MSANTD1: variants seen among roughly 807,000 people sequenced by gnomAD.
MSANTD1 encodes Myb/SANT DNA binding domain containing 1, also known as myb/SANT-like DNA-binding domain-containing protein 1.
In MSANTD1, 7 loss-of-function variants were observed where a neutral mutation model predicts 24.2. That is an observed-to-expected ratio of 0.29 (90% CI 0.16 to 0.54). The LOEUF is 0.54. Ranked by LOEUF, MSANTD1 falls within the 20% of genes least tolerant of loss-of-function variation. The pLI is 0.94. For synonymous variants in MSANTD1, 177 were observed against 181.1 expected (o/e 0.98, Z 0.18); for missense variants, 384 against 408.2 (o/e 0.94, Z 0.51).
At chr4:3,254,489 G>A (rs2110322930) in intron 2 of MSANTD1, among the ~76,000 whole-genome samples, 1 of 152,310 alleles carries the variant, frequency 6.6e-6, no homozygotes, top group South Asian at 2.1e-4. Context: ...TGGGGCGTGG[G>A]GGCTGCCCTC....
At chr4:3,250,317 A>T (rs1722184710) in intron 1 of MSANTD1, among the ~76,000 whole-genome samples, 1 of 152,160 alleles carries the variant, frequency 6.6e-6, no homozygotes, top group East Asian at 1.9e-4. Flanking sequence ...CCTGCAGGGA[A>T]GGCCGGAGGG....
At position 3,255,994 on chromosome 4, in the gene MSANTD1, G is replaced by T; in HGVS notation, c.*29G>T. 1 of 1,482,458 alleles carries T rather than the reference G, an allele frequency of 6.7e-7. No homozygotes were observed. Among genetic ancestry groups the T allele is most frequent in the Non-Finnish European group, 8.9e-7 (1 of 1,118,258 alleles). The allele number at this position is 1,482,458 out of a possible 1,614,324, so 91.8% of individuals were successfully genotyped here. On this transcript the variant is annotated 3_prime_UTR_variant, in exon 3 of 3. Transcript: ENST00000438480. ...AGCAGGCGGCGGCGGCGGCGGGGCCGGGCGGCTGGTGGTACTGCTCAGGCC... is the reference window on the plus strand; with the variant it reads ...AGCAGGCGGCGGCGGCGGCGGGGCCTGGCGGCTGGTGGTACTGCTCAGGCC...
upstream of MSANTD1, chr4:3,246,583 C>G: frequency 1.5e-6 from 1 of 657,968 alleles, no homozygotes; most frequent in Non-Finnish European, 2.8e-6. Context: ...TGCCCCTTCT[C>G]CCTCAGGTGC....
In MSANTD1 at chr4:3,253,118, G is replaced by C. The variant is rs1722278798; in HGVS notation, c.321-89G>C. The C allele has an allele frequency of 2.2e-6, 3 of 1,346,620 alleles. No individual in the cohort carries two copies. The East Asian group carries it at 8.1e-5, about 37-fold the overall frequency. The allele number at this position is 1,346,620 out of a possible 1,614,324, so 83.4% of individuals were successfully genotyped here. A position where few individuals can be genotyped will look rare whatever the true frequency, so the allele number is the denominator to read the frequency against. On this transcript the variant is annotated intron_variant, in intron 1 of 2. Coordinates refer to ENST00000438480, the MANE Select transcript of MSANTD1 (RefSeq NM_001042690.2). ...CCGAGAGCGGCTCCTGCCTGTGCCG[G>C]CGTGGCGCGCCCCTCTGCTGAGGCT... is the stretch of plus-strand genomic sequence containing the variant.
intron 2 of MSANTD1, among the ~76,000 whole-genome samples, chr4:3,254,367 C>T (rs976183356): frequency 2.0e-5 from 3 of 152,228 alleles, no homozygotes; most frequent in South Asian, 2.1e-4. Context: ...GAGACAAAAA[C>T]GCTTTTGCTG....
chr4:3,254,495 C>T (rs915571877), intron 2 of MSANTD1, among the ~76,000 whole-genome samples: 1 of 152,212 alleles, frequency 6.6e-6, no homozygotes, highest in African/African-American at 2.4e-5. Flanking sequence ...GTGGGGGCTG[C>T]CCTCCCTGAT....
Position 3,255,961 on chromosome 4 carries a change from T to A in MSANTD1, c.833T>A (p.Val278Asp). ...GAGAGGATCATCACCAAGTCCAGCG[T>A]CTAGGCCAGCAGGCGGCGGCGGCGG... ...LLERIITKSS[V>D] The change falls in exon 3 of 3, where the codon GTC becomes GAC. Residue 278 changes from valine to aspartate, a missense_variant. By Grantham distance (152) the Val-to-Asp change is radical. Coordinates refer to ENST00000438480, the MANE Select transcript of MSANTD1 (RefSeq NM_001042690.2). 6.5e-7 allele frequency: 1 copy of A among 1,527,662 alleles called. No homozygotes were observed. The highest frequency in any genetic ancestry group is 8.8e-7 in the Non-Finnish European group (1 of 1,136,120). 94.6% of individuals were successfully genotyped at this position (1,527,662 alleles called of 1,614,324 possible). A position where few individuals can be genotyped will look rare whatever the true frequency, so the allele number is the denominator to read the frequency against.
At chr4:3,246,946 G>C (rs1231210582), upstream of MSANTD1, among the ~76,000 whole-genome samples, 1 of 152,150 alleles carries the variant, frequency 6.6e-6, no homozygotes, top group South Asian at 2.1e-4. Context: ...GCCAGGCAGG[G>C]CCCTGCCTCC....
In MSANTD1 at chr4:3,255,834, G is replaced by A. The variant is rs369673017; in HGVS notation, c.706G>A (p.Ala236Thr). 9.7e-6 allele frequency: 15 copies of A among 1,545,462 alleles called. No individual in the cohort carries two copies. The highest frequency in any genetic ancestry group is 2.1e-4 in the Middle Eastern group (1 of 4,808). The part of the protein sequence containing the change: ...MVEEQRRLSR[A>T]VEETCREVRR... ...GGAGGAGCAGCGCCGGCTGAGCCGC[G>A]CCGTGGAGGAGACCTGCCGCGAGGT... The change falls in exon 3 of 3, where the codon GCC becomes ACC. Residue 236 changes from alanine to threonine, a missense_variant. Physicochemically the swap from Ala to Thr is moderately conservative, Grantham distance 58. Transcript: ENST00000438480.
At position 3,249,366 on chromosome 4, in the gene MSANTD1, C is replaced by T. The variant is rs780167035; in HGVS notation, c.144C>T (p.Asp48=). 31 of 1,563,352 alleles carry T rather than the reference C, an allele frequency of 2.0e-5. No homozygotes were observed. In the South Asian group the frequency reaches 2.3e-4, roughly 12 times the overall value. The change falls in exon 1 of 3, where the codon GAC becomes GAT. Residue 48 remains aspartate (D), a synonymous_variant. Transcript: ENST00000438480. Reference sequence around the variant, plus strand: ...ACCGGCGGGCCCGCAACTGGACGGACGCCGAGATGCGCGGCCTCATGCTGG... The same window carrying T: ...ACCGGCGGGCCCGCAACTGGACGGATGCCGAGATGCGCGGCCTCATGCTGG... ...EKHRRARNWT[D]AEMRGLMLVW...
chr4:3,254,726 C>T (rs565895482), intron 2 of MSANTD1, among the ~76,000 whole-genome samples: 6 of 152,366 alleles, frequency 3.9e-5, no homozygotes, highest in East Asian at 1.9e-4. Flanking sequence ...TGCCTTTACT[C>T]ACCACCTCTA....
chr4:3,253,379 A>G lies in MSANTD1; in HGVS notation c.493A>G (p.Lys165Glu), dbSNP rs1722289771. Residue 165 changes from lysine to glutamate, a missense_variant, in exon 2 of 3, where the codon AAG becomes GAG. Lys to Glu is a moderately conservative substitution (Grantham distance 56, BLOSUM62 1). Transcript: ENST00000438480. Reference sequence around the variant, plus strand: ...CGAGGCGTCCCTGTCGCCGCCCGCTAAGTCCACCCCTCTGTACTTCCCGTA... The same window carrying G: ...CGAGGCGTCCCTGTCGCCGCCCGCTGAGTCCACCCCTCTGTACTTCCCGTA... ...QTEASLSPPA[K>E]STPLYFPYNQ... is the part of the protein sequence containing the mutation. 2 of 1,611,022 alleles carry G rather than the reference A, an allele frequency of 1.2e-6. No homozygotes were observed. Among genetic ancestry groups the G allele is most frequent in the Admixed American group, 1.7e-5 (1 of 59,564 alleles).
Position 3,249,332 on chromosome 4 carries a change from C to T in MSANTD1, c.110C>T (p.Ala37Val), listed in dbSNP as rs751086991. ...CCCGGCTACCTCGTGTCTCCCCAGG[C>T]GGAGAAGCACCGGCGGGCCCGCAAC... is the stretch of plus-strand genomic sequence containing the variant. ...EGPGYLVSPQ[A>V]EKHRRARNWT... The change falls in exon 1 of 3, where the codon GCG (alanine) becomes GTG (valine). Residue 37 changes from alanine to valine, a missense_variant. Ala to Val is a moderately conservative substitution (Grantham distance 64). Coordinates refer to ENST00000438480, the MANE Select transcript of MSANTD1 (RefSeq NM_001042690.2). 3.2e-5 allele frequency: 50 copies of T among 1,553,426 alleles called. No homozygotes were observed. In the African/African-American group the frequency reaches 3.4e-4, roughly 11 times the overall value.
Position 3,255,864 on chromosome 4 carries a change from C to G in MSANTD1, c.736C>G (p.Arg246Gly). The stretch of plus-strand genomic sequence containing the variant: ...GGAGGAGACCTGCCGCGAGGTGCGC[C>G]GCGTGCTGGACCAGCAGCACATCCT... ...AVEETCREVR[R>G]VLDQQHILQV... Residue 246 changes from arginine (R) to glycine (G), a missense_variant, in exon 3 of 3, where the codon CGC (arginine) becomes GGC (glycine). Coordinates refer to ENST00000438480, the MANE Select transcript of MSANTD1 (RefSeq NM_001042690.2). The G allele has an allele frequency of 6.5e-7, 1 of 1,545,474 alleles. No homozygotes were observed.
Position 3,256,163 on chromosome 4 carries a change from C to T in MSANTD1, c.*198C>T, listed in dbSNP as rs1438881674. The T allele has an allele frequency of 3.4e-6, 2 of 583,212 alleles. No homozygotes were observed. Among genetic ancestry groups the T allele is most frequent in the African/African-American group, 4.0e-5 (2 of 50,388 alleles). The allele number at this position is 583,212 out of a possible 1,614,324, so 36.1% of individuals were successfully genotyped here. A position where few individuals can be genotyped will look rare whatever the true frequency, so the allele number is the denominator to read the frequency against. Reference sequence around the variant, plus strand: ...GCCCTGGGGACCGTGAGGCTCCAGTCTCCAGCATGAATGCCCTTCCTCGGA... The same window carrying T: ...GCCCTGGGGACCGTGAGGCTCCAGTTTCCAGCATGAATGCCCTTCCTCGGA... On this transcript the variant is annotated 3_prime_UTR_variant, in exon 3 of 3. Transcript: ENST00000438480.
rs371508114 is a variant in MSANTD1 at position 3,249,237 on chromosome 4, C to A, written c.15C>A (p.Ala5=). Residue 5 remains alanine (A), a synonymous_variant, in exon 1 of 3, where the codon GCC becomes GCA. Coordinates refer to ENST00000438480, the MANE Select transcript of MSANTD1 (RefSeq NM_001042690.2). ...GCCTCCCGCCCATGGTGCGTGGGGC[C>A]GGGCCGGGGCCCTCGCTGAGCGCGC... The part of the protein sequence containing the change: MVRG[A]GPGPSLSALS... 4.2e-3 allele frequency: 6,025 copies of A among 1,423,976 alleles called. 14 individuals carry two copies. The highest frequency in any genetic ancestry group is 5.1e-3 in the Non-Finnish European group (5,527 of 1,089,964). 88.2% of individuals were successfully genotyped at this position (1,423,976 alleles called of 1,614,324 possible).
At position 3,253,389 on chromosome 4, in the gene MSANTD1, C is replaced by G; in HGVS notation, c.503C>G (p.Pro168Arg). 3 of 1,609,814 alleles carry G rather than the reference C, an allele frequency of 1.9e-6. No homozygotes were observed. The highest frequency in any genetic ancestry group is 2.5e-6 in the Non-Finnish European group (3 of 1,178,050). Residue 168 changes from proline to arginine, a missense_variant, in exon 2 of 3, where the codon CCT becomes CGT. Pro to Arg is a moderately radical substitution (Grantham distance 103). Coordinates refer to ENST00000438480, the MANE Select transcript of MSANTD1 (RefSeq NM_001042690.2). ...ASLSPPAKST[P>R]LYFPYNQCSY... ...CTGTCGCCGCCCGCTAAGTCCACCC[C>G]TCTGTACTTCCCGTATAACCAGTGC...
intron 2 of MSANTD1, 27 bp downstream of exon 2, chr4:3,253,509 G>GC (rs761732261): frequency 4.1e-6 from 6 of 1,474,528 alleles, no homozygotes; most frequent in Non-Finnish European, 5.4e-6. Context: ...TCCTTCCCCT[G>GC]CCCTGGGGTA....
chr4:3,251,259 C>T (rs370945911), intron 1 of MSANTD1, among the ~76,000 whole-genome samples: 62 of 152,344 alleles, frequency 4.1e-4, no homozygotes, highest in Middle Eastern at 6.8e-3. Context: ...TCCCCTCTGA[C>T]TCAGGAATTC....
Sources: gnomAD v4.1 joint callset for allele counts (sites outside exome capture counted in the v4.1 genomes callset) on GRCh38, gnomAD v4.1.1 for gene constraint, MANE v1.5 for transcripts, NCBI Gene and HGNC (gene_info 2026-07-23, HGNC 2026-07-21) for gene names.